Variants in PTPRG observed in about 807,000 individuals in gnomAD.
PTPRG encodes the protein receptor-type tyrosine-protein phosphatase gamma.
Under a neutral mutation model 165.3 loss-of-function variants are expected in PTPRG, and 102 were observed. The ratio of observed to expected loss-of-function variants is 0.62; its 90% CI spans 0.53 to 0.73. The LOEUF (loss-of-function observed/expected upper bound fraction) is 0.73, where lower values mean the gene tolerates loss of function less well. PTPRG is among the 30% of genes least tolerant of loss of function. PTPRG has a pLI of 0.00. For missense variants in PTPRG, 1,866 were observed against 1,861.4 expected (o/e 1.00, Z -0.05); for synonymous variants, 675 against 669.5 (o/e 1.01, Z -0.13).
intron 2 of PTPRG, among the ~76,000 whole-genome samples, chr3:61,792,952 C>T (rs575220798): frequency 6.6e-6 from 1 of 152,128 alleles, no homozygotes; most frequent in Non-Finnish European, 1.5e-5. Context: ...TGATCTTGAT[C>T]TCCTGTCCTC....
intron 1 of PTPRG, among the ~76,000 whole-genome samples, chr3:61,635,657 AT>A (rs2106939988): frequency 6.6e-6 from 1 of 152,118 alleles, no homozygotes; most frequent in East Asian, 1.9e-4. Flanking sequence ...TATATTATTA[AT>A]ACTATTATTA....
At chr3:61,657,315 CAGTTA>C (rs377284684) in intron 1 of PTPRG, among the ~76,000 whole-genome samples, 26 of 152,082 alleles carry the variant, frequency 1.7e-4, no homozygotes, top group Admixed American at 2.0e-4. Flanking sequence ...AGGGGAAGGT[CAGTTA>C]AGTTTTATAA....
chr3:61,878,524 C>T (rs546896860), intron 2 of PTPRG, among the ~76,000 whole-genome samples: 31 of 152,168 alleles, frequency 2.0e-4, no homozygotes, highest in Admixed American at 2.0e-3. Context: ...GGTAGGGTAT[C>T]GCTCTGTCAC....
intron 11 of PTPRG, among the ~76,000 whole-genome samples, chr3:62,202,048 A>G (rs1006982608): frequency 6.6e-6 from 1 of 152,190 alleles, no homozygotes; most frequent in Non-Finnish European, 1.5e-5. Context: ...CCTGGGTTTC[A>G]GGCACAGATT....
intron 1 of PTPRG, among the ~76,000 whole-genome samples, chr3:61,696,863 A>G (rs994519815): frequency 2.0e-5 from 3 of 152,262 alleles, no homozygotes; most frequent in Admixed American, 1.3e-4. Flanking sequence ...GGGTTTAAAT[A>G]TTGCCTTCTC....
At chr3:61,584,973 G>T (rs930153182) in intron 1 of PTPRG, among the ~76,000 whole-genome samples, 1 of 152,174 alleles carries the variant, frequency 6.6e-6, no homozygotes, top group Non-Finnish European at 1.5e-5. Context: ...TATAGCAAAT[G>T]TTCGTTACAG....
At chr3:62,104,763 C>T (rs575862858) in intron 5 of PTPRG, among the ~76,000 whole-genome samples, 51 of 152,256 alleles carry the variant, frequency 3.3e-4, no homozygotes, top group African/African-American at 1.1e-3. Flanking sequence ...TTACTACTAG[C>T]GGGAACAAAA....
chr3:61,687,408 C>A (rs370125090), intron 1 of PTPRG, among the ~76,000 whole-genome samples: 1 of 152,224 alleles, frequency 6.6e-6, no homozygotes, highest in Admixed American at 6.5e-5. Flanking sequence ...TGATTCTTCC[C>A]GGCAGTCCTA....
At chr3:62,099,839 C>T (rs1029285253) in intron 5 of PTPRG, among the ~76,000 whole-genome samples, 2 of 138,600 alleles carry the variant, frequency 1.4e-5, no homozygotes, top group Non-Finnish European at 3.0e-5. Flanking sequence ...CACTCTGTTG[C>T]CCAGGCTGGA....
intron 1 of PTPRG, among the ~76,000 whole-genome samples, chr3:61,668,563 G>A (rs2365939): frequency 6.6e-6 from 1 of 152,088 alleles, no homozygotes; most frequent in Non-Finnish European, 1.5e-5. Context: ...AAGGTTAGGT[G>A]GGGGGAGACC....
chr3:62,197,556 C>T (rs1176325331), intron 10 of PTPRG, among the ~76,000 whole-genome samples: 6 of 152,094 alleles, frequency 3.9e-5, no homozygotes, highest in Admixed American at 3.9e-4. Context: ...GGAAGGACTG[C>T]AGGCCAAGGC....
intron 1 of PTPRG, among the ~76,000 whole-genome samples, chr3:61,736,125 C>T (rs967603294): frequency 6.6e-6 from 1 of 152,034 alleles, no homozygotes; most frequent in South Asian, 2.1e-4. Context: ...CCAGGCTGGT[C>T]TCAAACTCCT....
chr3:61,830,017 C>A (rs1054164888), intron 2 of PTPRG, among the ~76,000 whole-genome samples: 1 of 152,138 alleles, frequency 6.6e-6, no homozygotes, highest in African/African-American at 2.4e-5. Context: ...AGAGGAGAAA[C>A]CTTTGCATGT....
chr3:62,174,046 G>A (rs138000949), intron 8 of PTPRG, among the ~76,000 whole-genome samples: 42 of 152,294 alleles, frequency 2.8e-4, no homozygotes, highest in African/African-American at 1.0e-3. Flanking sequence ...AGGGACATCC[G>A]ATTTGCCACT....
intron 1 of PTPRG, among the ~76,000 whole-genome samples, chr3:61,675,952 A>G (rs1212641786): frequency 6.6e-6 from 1 of 152,162 alleles, no homozygotes; most frequent in African/African-American, 2.4e-5. Flanking sequence ...CCAGTATCCT[A>G]TTGTTAGATA....
At chr3:62,065,737 A>C (rs1402123418) in intron 4 of PTPRG, among the ~76,000 whole-genome samples, 1 of 152,190 alleles carries the variant, frequency 6.6e-6, no homozygotes, top group Non-Finnish European at 1.5e-5. Flanking sequence ...GTCATGATAC[A>C]ACATCCAGAA....
intron 1 of PTPRG, among the ~76,000 whole-genome samples, chr3:61,637,176 G>T (rs530784598): frequency 6.6e-6 from 1 of 152,150 alleles, no homozygotes; most frequent in Non-Finnish European, 1.5e-5. Flanking sequence ...CCTTATGTTT[G>T]TACCAGAACT....
At chr3:61,659,259 G>T (rs1470563339) in intron 1 of PTPRG, 10 of 955,138 alleles carry the variant, frequency 1.0e-5, no homozygotes, top group Non-Finnish European at 1.1e-5. Context: ...CTTCATATAG[G>T]CATATACAAT....
chr3:62,202,435 T>C (rs1700115727), intron 11 of PTPRG, among the ~76,000 whole-genome samples: 1 of 152,212 alleles, frequency 6.6e-6, no homozygotes, highest in South Asian at 2.1e-4. Flanking sequence ...TGGAAAGCCC[T>C]GGCACACGGT....
Sources: allele counts gnomAD v4.1 joint callset (sites outside exome capture counted in the v4.1 genomes callset), GRCh38; gene constraint gnomAD v4.1.1; transcripts MANE v1.5; gene names NCBI Gene and HGNC (gene_info 2026-07-23, HGNC 2026-07-21).